The following GLIPR1 variants were observed in gnomAD, a reference collection of about 807,000 sequenced individuals.
GLIPR1 encodes the protein glioma pathogenesis-related protein 1.
Under a neutral mutation model 30.3 loss-of-function variants are expected in GLIPR1, and 38 were observed. That is an observed-to-expected ratio of 1.26 (90% CI 0.97 to 1.65). GLIPR1 has a LOEUF of 1.65. GLIPR1 is among the 40% of genes most tolerant of loss of function. The pLI is 0.00. For synonymous variants in GLIPR1, 122 were observed against 110.6 expected (o/e 1.10, Z -0.65); for missense variants, 285 against 326.5 (o/e 0.87, Z 0.98).
intron 3 of GLIPR1, chr12:75,494,069 C>T (rs933039805): frequency 1.3e-5 from 2 of 152,076 alleles, no homozygotes; most frequent in Non-Finnish European, 2.9e-5. Context: ...TACTATATTA[C>T]CTTTTTTCCA....
At chr12:75,494,084 G>A (rs562012197) in intron 3 of GLIPR1, 1 of 152,160 alleles carries the variant, frequency 6.6e-6, no homozygotes, top group East Asian at 1.9e-4. Context: ...TTTCCATGGT[G>A]TAGAGTAAGC....
chr12:75,499,429 C>CTTAA lies in GLIPR1; in HGVS notation c.*454_*457dup, dbSNP rs775574306. ...AACTAGGGGATCTGATTTTAGAGGC[C>CTTAA]TTAATTTTCTGTTCATGGACTGTTA... On this transcript the variant is annotated 3_prime_UTR_variant, in exon 6 of 6. Transcript: ENST00000266659. 26 of 160,258 alleles carry CTTAA rather than the reference C, an allele frequency of 1.6e-4. No homozygotes were observed. Among genetic ancestry groups the CTTAA allele is most frequent in the Non-Finnish European group, 3.0e-4 (22 of 74,156 alleles). 9.9% of individuals were successfully genotyped at this position (160,258 alleles called of 1,614,324 possible). A position where few individuals can be genotyped will look rare whatever the true frequency, so the allele number is the denominator to read the frequency against.
Position 75,499,950 on chromosome 12 carries a change from A to C in GLIPR1, c.*972A>C. On this transcript the variant is annotated 3_prime_UTR_variant, in exon 6 of 6. Transcript: ENST00000266659. ...CCACATCAATTTTAGTTTCAGTAGAAGCTAGACAAATTAAAAGCACAACAC... is the reference window on the plus strand; with the variant it reads ...CCACATCAATTTTAGTTTCAGTAGACGCTAGACAAATTAAAAGCACAACAC... 3 of 1,594,862 alleles carry C rather than the reference A, an allele frequency of 1.9e-6. No individual in the cohort carries two copies. Among genetic ancestry groups the C allele is most frequent in the South Asian group, 2.3e-5 (2 of 86,820 alleles).
chr12:75,490,195 TCACA>T (rs71829276), intron 2 of GLIPR1, among the ~76,000 whole-genome samples: 2,513 of 141,680 alleles, frequency 0.018, 64 homozygotes, highest in African/African-American at 0.054. Flanking sequence ...TTATCTTATT[TCACA>T]CACACACACA....
At chr12:75,484,201 T>C (rs772590652) in intron 2 of GLIPR1, 1 of 152,148 alleles carries the variant, frequency 6.6e-6, no homozygotes, top group Non-Finnish European at 1.5e-5. Context: ...AAGAAACCAC[T>C]ACATTCTACC....
intron 2 of GLIPR1, chr12:75,487,908 A>G (rs1444533316): frequency 2.9e-6 from 1 of 345,226 alleles, no homozygotes; most frequent in Non-Finnish European, 5.9e-6. Context: ...CTGGTTGCCC[A>G]TTTTTATGGT....
rs761148574 is a variant in GLIPR1, at chr12:75,499,812, CT to C, written c.*842del. The stretch of plus-strand genomic sequence containing the variant: ...TAGTCAAGGAGTTTTGGGTATGTTA[CT>C]TTTTTTTCTTCTTTTTCTTTTCATC... On this transcript the variant is annotated 3_prime_UTR_variant, in exon 6 of 6. Coordinates refer to ENST00000266659, the MANE Select transcript of GLIPR1 (RefSeq NM_006851.3). 6.3e-6 allele frequency: 10 copies of C among 1,595,134 alleles called. No homozygotes were observed. The highest frequency in any genetic ancestry group is 3.4e-5 in the South Asian group (3 of 87,788).
At chr12:75,483,091 G>T (rs920202235) in intron 2 of GLIPR1, among the ~76,000 whole-genome samples, 1 of 131,868 alleles carries the variant, frequency 7.6e-6, no homozygotes, top group East Asian at 2.5e-4. Context: ...CTCATTCGTG[G>T]TGCTACAGAT....
chr12:75,486,268 G>GT (rs1220463569), intron 2 of GLIPR1, among the ~76,000 whole-genome samples: 1 of 152,008 alleles, frequency 6.6e-6, no homozygotes, highest in Non-Finnish European at 1.5e-5. Context: ...TATAATTATG[G>GT]TTTTTTGTTT....
At position 75,498,736 on chromosome 12, in the gene GLIPR1, T is replaced by C. The variant is rs1395423655; in HGVS notation, c.646+16T>C. On this transcript the variant is annotated intron_variant, in intron 5 of 5. Coordinates refer to ENST00000266659, the MANE Select transcript of GLIPR1 (RefSeq NM_006851.3). The stretch of plus-strand genomic sequence containing the variant: ...CAAGTCAAACGTACGTACATCAATC[T>C]TAAATTGTTTCATTAAGAGCTATGT... The C allele has an allele frequency of 1.9e-6, 3 of 1,611,948 alleles. No homozygotes were observed. In the African/African-American group the frequency reaches 4.0e-5, roughly 22 times the overall value.
At position 75,490,643 on chromosome 12, in the gene GLIPR1, T is replaced by TA. The variant is rs1195766179; in HGVS notation, c.533+131dup. On this transcript the variant is annotated intron_variant, in intron 3 of 5. Transcript: ENST00000266659. ...ATAGAAAATCTGGATAAAGTATAAATAAAAAATTAACATAACCTTTAATTC... is the reference window on the plus strand; with the variant it reads ...ATAGAAAATCTGGATAAAGTATAAATAAAAAAATTAACATAACCTTTAATTC... 4 of 562,618 alleles carry TA rather than the reference T, an allele frequency of 7.1e-6. No individual in the cohort carries two copies. The African/African-American group carries it at 8.3e-5, about 12-fold the overall frequency. The allele number at this position is 562,618 out of a possible 1,614,324, so 34.9% of individuals were successfully genotyped here.
In GLIPR1 at chr12:75,502,062, G is replaced by T. The variant is rs1472310031; in HGVS notation, c.*3084G>T. Reference sequence around the variant, plus strand: ...ATGTAGAGGAGAAGTCATGTCCTAAGCAAGTCACAATATCCTTAGGGTAAA... The same window carrying T: ...ATGTAGAGGAGAAGTCATGTCCTAATCAAGTCACAATATCCTTAGGGTAAA... On this transcript the variant is annotated 3_prime_UTR_variant, in exon 6 of 6. Coordinates refer to ENST00000266659, the MANE Select transcript of GLIPR1 (RefSeq NM_006851.3). The T allele has an allele frequency of 5.2e-6, 7 of 1,337,022 alleles. No individual in the cohort carries two copies. Among genetic ancestry groups the T allele is most frequent in the South Asian group, 1.2e-5 (1 of 84,142 alleles). The allele number at this position is 1,337,022 out of a possible 1,614,324, so 82.8% of individuals were successfully genotyped here. A position where few individuals can be genotyped will look rare whatever the true frequency, so the allele number is the denominator to read the frequency against.
At chr12:75,495,819 C>T (rs776480085) in intron 4 of GLIPR1, 157 bp downstream of exon 4, 6 of 469,756 alleles carry the variant, frequency 1.3e-5, no homozygotes, top group Non-Finnish European at 1.9e-5. Context: ...TCTAGGAATA[C>T]ATTTAAGAGA....
intron 2 of GLIPR1, among the ~76,000 whole-genome samples, 187 bp downstream of exon 2, chr12:75,482,266 A>C (rs2120491697): frequency 6.6e-6 from 1 of 152,312 alleles, no homozygotes; most frequent in South Asian, 2.1e-4. Flanking sequence ...AACACATAAT[A>C]GGTAATATGT....
intron 2 of GLIPR1, among the ~76,000 whole-genome samples, chr12:75,488,283 A>T (rs1175104908): frequency 6.6e-6 from 1 of 152,206 alleles, no homozygotes; most frequent in Non-Finnish European, 1.5e-5. Flanking sequence ...CACGCCTGTA[A>T]TCCCAGCACT....
In GLIPR1 at chr12:75,498,680, CCCT is replaced by C. The variant is rs781048709; in HGVS notation, c.620-13_620-11del. On this transcript the variant is annotated splice_polypyrimidine_tract_variant and intron_variant, in intron 4 of 5. Coordinates refer to ENST00000266659, the MANE Select transcript of GLIPR1 (RefSeq NM_006851.3). ...CCTTTTAATTTTTTTTCTTTCTTCC[CCCT>C]AACTTTACAGTTAACCGACAGCGAG... is the stretch of plus-strand genomic sequence containing the variant. The C allele has an allele frequency of 1.9e-6, 3 of 1,607,950 alleles. No individual in the cohort carries two copies. The highest frequency in any genetic ancestry group is 1.7e-5 in the Admixed American group (1 of 59,884).
In GLIPR1 at chr12:75,500,118, TAAAGCAGTTAG is replaced by T; in HGVS notation, c.*1144_*1154del. 2.1e-6 allele frequency: 1 copy of T among 479,688 alleles called. No homozygotes were observed. The highest frequency in any genetic ancestry group is 3.5e-6 in the Non-Finnish European group (1 of 284,810). The allele number at this position is 479,688 out of a possible 1,614,324, so 29.7% of individuals were successfully genotyped here. A position where few individuals can be genotyped will look rare whatever the true frequency, so the allele number is the denominator to read the frequency against. On this transcript the variant is annotated 3_prime_UTR_variant, in exon 6 of 6. Transcript: ENST00000266659. ...AGTATAAAATATAAAAACACTTGCCTAAAGCAGTTAGAAATTTCTTCAGATTAAGATAAAAC... is the reference window on the plus strand; with the variant it reads ...AGTATAAAATATAAAAACACTTGCCTAAATTTCTTCAGATTAAGATAAAAC...
chr12:75,498,155 T>C (rs1334920394), intron 4 of GLIPR1: 2 of 152,286 alleles, frequency 1.3e-5, no homozygotes, highest in Non-Finnish European at 2.9e-5. Flanking sequence ...AGTTGTGGAA[T>C]TTATTTCTTC....
At position 75,500,161 on chromosome 12, in the gene GLIPR1, T is replaced by C; in HGVS notation, c.*1183T>C. The C allele has an allele frequency of 5.4e-6, 2 of 367,262 alleles. No homozygotes were observed. The highest frequency in any genetic ancestry group is 1.2e-4 in the South Asian group (2 of 16,850). The allele number at this position is 367,262 out of a possible 1,614,324, so 22.8% of individuals were successfully genotyped here. A position where few individuals can be genotyped will look rare whatever the true frequency, so the allele number is the denominator to read the frequency against. On this transcript the variant is annotated 3_prime_UTR_variant, in exon 6 of 6. Transcript: ENST00000266659. The stretch of plus-strand genomic sequence containing the variant: ...CTTCAGATTAAGATAAAACAAATCA[T>C]AAAATACTTTATATATTAGTACAAG...
Sources: gnomAD v4.1 joint callset for allele counts (sites outside exome capture counted in the v4.1 genomes callset) on GRCh38, gnomAD v4.1.1 for gene constraint, MANE v1.5 for transcripts, NCBI Gene and HGNC (gene_info 2026-07-23, HGNC 2026-07-21) for gene names.